MYO10: variants seen among roughly 807,000 people sequenced by gnomAD.
MYO10 encodes the protein unconventional myosin-X.
In MYO10, 133 loss-of-function variants were observed where a neutral mutation model predicts 257.3. The observed-to-expected ratio is 0.52, with a 90% CI of 0.45 to 0.60. The LOEUF is 0.60. Ranked by LOEUF, MYO10 falls within the 20% of genes least tolerant of loss-of-function variation. The pLI is 0.00. For synonymous variants in MYO10, 1,104 were observed against 1,028.6 expected (o/e 1.07, Z -1.40); for missense variants, 2,399 against 2,635.7 (o/e 0.91, Z 1.97).
At chr5:16,823,045 AAGAG>A (rs1742876335) in intron 2 of MYO10, among the ~76,000 whole-genome samples, 1 of 152,000 alleles carries the variant, frequency 6.6e-6, no homozygotes, top group Non-Finnish European at 1.5e-5. Flanking sequence ...AGAATTTCTT[AAGAG>A]AGATTCTTGA....
intron 1 of MYO10, among the ~76,000 whole-genome samples, chr5:16,916,702 G>A (rs1260292728): frequency 6.6e-6 from 1 of 152,098 alleles, no homozygotes; most frequent in Non-Finnish European, 1.5e-5. Context: ...CATCACTGTG[G>A]CTGGCAAGAA....
chr5:16,778,245 C>T (rs977397507), intron 9 of MYO10, among the ~76,000 whole-genome samples: 1 of 152,006 alleles, frequency 6.6e-6, no homozygotes, highest in Admixed American at 6.6e-5. Flanking sequence ...CTGTTCGCAA[C>T]GCTCGATGAC....
intron 1 of MYO10, among the ~76,000 whole-genome samples, chr5:16,924,061 G>A (rs1156393907): frequency 6.6e-6 from 1 of 152,300 alleles, no homozygotes; most frequent in African/African-American, 2.4e-5. Context: ...CTGCACTCCA[G>A]CCTAAATGAC....
At chr5:16,886,932 CA>C (rs75535220) in intron 1 of MYO10, among the ~76,000 whole-genome samples, 48,442 of 101,192 alleles carry the variant, frequency 0.48, 7,969 homozygotes, top group Admixed American at 0.53. Context: ...ACTCCATCTC[CA>C]AAAAAAAAAA....
intron 1 of MYO10, among the ~76,000 whole-genome samples, chr5:16,923,437 C>T (rs921748322): frequency 9.2e-5 from 14 of 151,948 alleles, no homozygotes; most frequent in African/African-American, 3.4e-4. Flanking sequence ...CAGGTGCCCA[C>T]CACCACGCCC....
intron 4 of MYO10, among the ~76,000 whole-genome samples, chr5:16,790,498 G>A (rs914763393): frequency 3.3e-5 from 5 of 152,128 alleles, no homozygotes; most frequent in African/African-American, 1.2e-4. Flanking sequence ...GAATCATGAG[G>A]GTGGTTTCCC....
chr5:16,687,721 C>T lies in MYO10; in HGVS notation c.3897-1890G>A, dbSNP rs551864277. On this transcript the variant is annotated intron_variant, in intron 28 of 40. Coordinates refer to ENST00000513610, the MANE Select transcript of MYO10 (RefSeq NM_012334.3). ...ATATTCAACATATACAAGAGATATG[C>T]ATATCTCTTGTATACAACAAGGAAA... 3.3e-5 allele frequency among the ~76,000 whole-genome samples: 5 copies of T among 152,072 alleles called. No homozygotes were observed. In the South Asian group the frequency reaches 8.4e-4, roughly 25 times the overall value.
At chr5:16,785,134 G>A (rs1245720895) in intron 4 of MYO10, among the ~76,000 whole-genome samples, 2 of 152,202 alleles carry the variant, frequency 1.3e-5, no homozygotes, top group Non-Finnish European at 2.9e-5. Flanking sequence ...CCGGGGCGGG[G>A]GCTGAATCCA....
At chr5:16,755,259 G>A (rs559094974) in intron 18 of MYO10, among the ~76,000 whole-genome samples, 5 of 152,256 alleles carry the variant, frequency 3.3e-5, no homozygotes, top group South Asian at 4.1e-4. Flanking sequence ...TCCGCCTCCC[G>A]GGCTCATGCC....
At chr5:16,682,044 C>A (rs1392929425) in intron 30 of MYO10, 31 bp from the exon 31 acceptor site, 1 of 1,605,410 alleles carries the variant, frequency 6.2e-7, no homozygotes, top group South Asian at 1.1e-5. Context: ...GAAACAAAGC[C>A]CCTTAGCCCT....
Position 16,763,644 on chromosome 5 carries a change from T to A in MYO10, c.1427+11A>T, listed in dbSNP as rs1299812540. ...AAAAAAAAATTGAAATGGAATTCTA[T>A]GAGTGCTTACCGGCTATATTCTAGT... is the stretch of plus-strand genomic sequence containing the variant. On this transcript the variant is annotated intron_variant, in intron 13 of 40. Transcript: ENST00000513610. 1 of 1,593,944 alleles carries A rather than the reference T, an allele frequency of 6.3e-7. No homozygotes were observed. Among genetic ancestry groups the A allele is most frequent in the Admixed American group, 1.7e-5 (1 of 59,732 alleles).
chr5:16,832,853 C>T lies in MYO10; in HGVS notation c.121-14686G>A, dbSNP rs368333654. ...CTTGTGGCTACTTCCTTACCCCTTC[C>T]TCAGGGAATGACACCTTTGCTATCA... On this transcript the variant is annotated intron_variant, in intron 2 of 40. Transcript: ENST00000513610. Among the ~76,000 whole-genome samples the T allele has an allele frequency of 2.0e-4, 31 of 152,342 alleles. No homozygotes were observed. In the South Asian group the frequency reaches 3.1e-3, roughly 15 times the overall value.
chr5:16,824,580 A>C (rs188713881), intron 2 of MYO10, among the ~76,000 whole-genome samples: 74 of 152,248 alleles, frequency 4.9e-4, no homozygotes, highest in Middle Eastern at 3.4e-3. Flanking sequence ...TCATAAAAAC[A>C]TCTTTCAGCC....
chr5:16,673,394 C>T (rs535269926), intron 36 of MYO10, among the ~76,000 whole-genome samples: 2 of 152,302 alleles, frequency 1.3e-5, no homozygotes, highest in Non-Finnish European at 2.9e-5. Flanking sequence ...ATCAAAGTGG[C>T]TGGACCTGAG....
At chr5:16,840,252 C>A (rs1038488993) in intron 2 of MYO10, among the ~76,000 whole-genome samples, 1 of 152,008 alleles carries the variant, frequency 6.6e-6, no homozygotes, top group African/African-American at 2.4e-5. Context: ...GTCTCTATGA[C>A]AAATACAAAA....
rs752205357 is a variant in MYO10 at position 16,681,900 on chromosome 5, C to T, written c.4160G>A (p.Arg1387Lys). The change falls in exon 31 of 41, where the codon AGA (arginine) becomes AAA (lysine). Residue 1387 changes from arginine to lysine, a missense_variant. Physicochemically the swap from Arg to Lys is conservative, Grantham distance 26 (BLOSUM62 2). Coordinates refer to ENST00000513610, the MANE Select transcript of MYO10 (RefSeq NM_012334.3). ...CACGATGAATTCCTGGCCCTCCACT[C>T]TGGTGTCCCCTTTGGACCTCTGCAG... ...TLLQRSKGDT[R>K]VEGQEFIVRG... The T allele has an allele frequency of 1.2e-6, 2 of 1,613,994 alleles. No individual in the cohort carries two copies. Among genetic ancestry groups the T allele is most frequent in the Non-Finnish European group, 1.7e-6 (2 of 1,179,892 alleles).
Position 16,680,071 on chromosome 5 carries a change from T to G in MYO10, c.4418A>C (p.His1473Pro). 1.9e-6 allele frequency: 3 copies of G among 1,613,004 alleles called. No individual in the cohort carries two copies. The highest frequency in any genetic ancestry group is 2.5e-6 in the Non-Finnish European group (3 of 1,179,428). The change falls in exon 33 of 41, where the codon CAC (histidine) becomes CCC (proline). Residue 1473 changes from histidine to proline, a missense_variant. This residue lies in a region of MYO10 where 1,820 missense variants were observed against 1,939.4 expected (regional missense o/e 0.94). Coordinates refer to ENST00000513610, the MANE Select transcript of MYO10 (RefSeq NM_012334.3). ...YWNVTVYGRK[H>P]CYRLYTKLLN... Reference sequence around the variant, plus strand: ...CAGCTTGGTGTAGAGCCGGTAACAGTGCTTGCGCCCGTACACGGTGACGTT... The same window carrying G: ...CAGCTTGGTGTAGAGCCGGTAACAGGGCTTGCGCCCGTACACGGTGACGTT...
At chr5:16,921,368 G>C (rs1333476160) in intron 1 of MYO10, among the ~76,000 whole-genome samples, 1 of 152,054 alleles carries the variant, frequency 6.6e-6, no homozygotes, top group African/African-American at 2.4e-5. Flanking sequence ...GGGGGTGAGG[G>C]GTCTGAGAAC....
In MYO10 at chr5:16,779,626, T is replaced by C; in HGVS notation, c.849A>G (p.Pro283=). The C allele has an allele frequency of 1.9e-6, 3 of 1,602,826 alleles. No homozygotes were observed. The highest frequency in any genetic ancestry group is 2.6e-6 in the Non-Finnish European group (3 of 1,175,706). Residue 283 remains proline (P), a synonymous_variant, in exon 9 of 41, where the codon CCA becomes CCG. Transcript: ENST00000513610. ...EEREEFYLST[P]ENYHYLNQSG... ...ACTGATTCAAGTAGTGGTAGTTTTC[T>C]GGCGTAGATAAATAAAATTCTTCTA... is the stretch of plus-strand genomic sequence containing the variant.
Sources: allele counts gnomAD v4.1 joint callset (sites outside exome capture counted in the v4.1 genomes callset), GRCh38; gene constraint gnomAD v4.1.1; regional missense constraint gnomAD v4.1.1; transcripts MANE v1.5; gene names NCBI Gene and HGNC (gene_info 2026-07-23, HGNC 2026-07-21).